Variants in TLE4 observed in about 807,000 individuals in gnomAD.
TLE4 encodes transducin-like enhancer protein 4.
TLE4 carries 8 observed loss-of-function variants against 92.8 expected under a neutral mutation model. That is an observed-to-expected ratio of 0.09 (90% CI 0.05 to 0.16). TLE4 has a LOEUF of 0.16. Among genes scored for constraint, TLE4 ranks in the 10% least tolerant of loss-of-function variants. TLE4 has a pLI of 1.00. For missense variants in TLE4, 675 were observed against 997.6 expected (o/e 0.68, Z 4.36); for synonymous variants, 371 against 374.1 (o/e 0.99, Z 0.10).
rs540532883 is a variant in TLE4, at chr9:79,726,218, A to G, written c.*1074A>G. 2 of 152,738 alleles carry G rather than the reference A, an allele frequency of 1.3e-5. No individual in the cohort carries two copies. The highest frequency in any genetic ancestry group is 2.4e-5 in the African/African-American group (1 of 41,566). 9.5% of individuals were successfully genotyped at this position (152,738 alleles called of 1,614,324 possible). On this transcript the variant is annotated 3_prime_UTR_variant, in exon 20 of 20. Transcript: ENST00000376552. ...GCTTTCTTTACCTCCGGTTCTTTCC[A>G]TGTCTTAGTTGGATGTCCCTGAAAT... is the stretch of plus-strand genomic sequence containing the variant.
At chr9:79,703,379 G>A (rs988585815) in intron 8 of TLE4, among the ~76,000 whole-genome samples, 3 of 152,112 alleles carry the variant, frequency 2.0e-5, no homozygotes, top group Non-Finnish European at 4.4e-5. Context: ...TCCAGCTCCC[G>A]CTCTCCCACC....
chr9:79,653,008 G>T (rs1234305309), intron 7 of TLE4: 3 of 647,226 alleles, frequency 4.6e-6, no homozygotes, highest in African/African-American at 3.5e-5. Flanking sequence ...AGGCAGAGGG[G>T]CCTATTTCTG....
At chr9:79,632,617 A>G (rs2133722216) in intron 6 of TLE4, among the ~76,000 whole-genome samples, 1 of 152,332 alleles carries the variant, frequency 6.6e-6, no homozygotes, top group East Asian at 1.9e-4. Flanking sequence ...TTAACAGCTC[A>G]ACTGTACAAC....
At chr9:79,647,173 G>A (rs1033925386) in intron 6 of TLE4, among the ~76,000 whole-genome samples, 1 of 152,122 alleles carries the variant, frequency 6.6e-6, no homozygotes, top group Admixed American at 6.5e-5. Flanking sequence ...ATGAACTGAT[G>A]TTAATTTCTT....
intron 8 of TLE4, among the ~76,000 whole-genome samples, chr9:79,678,132 G>C (rs73457284): frequency 0.016 from 2,433 of 152,118 alleles, 60 homozygotes; most frequent in African/African-American, 0.055. Flanking sequence ...AAATGAGGCA[G>C]AAAAAAATCA....
rs748799650 is a variant in TLE4 at position 79,706,890 on chromosome 9, A to T, written c.927A>T (p.Glu309Asp). The stretch of plus-strand genomic sequence containing the variant: ...GTACTCCCTCCTCCAAATCCAAAGA[A>T]CTTAGCCTTGTAAGCAGCTCCTTAC... Reference protein sequence around the residue: ...SSSTPSSKSKELSLNEKSTTP... With the variant: ...SSSTPSSKSKDLSLNEKSTTP... Residue 309 changes from glutamate to aspartate, a missense_variant, in exon 11 of 20, where the codon GAA becomes GAT. Transcript: ENST00000376552. The T allele has an allele frequency of 6.2e-7, 1 of 1,613,980 alleles. No homozygotes were observed. Among genetic ancestry groups the T allele is most frequent in the Non-Finnish European group, 8.5e-7 (1 of 1,179,958 alleles).
chr9:79,649,972 G>A, intron 6 of TLE4: 2 of 990,112 alleles, frequency 2.0e-6, no homozygotes, highest in Non-Finnish European at 2.7e-6. Context: ...CTGGGATGCA[G>A]TAGCACAATC....
chr9:79,662,745 G>T (rs1047264801), intron 8 of TLE4, among the ~76,000 whole-genome samples: 1 of 152,118 alleles, frequency 6.6e-6, no homozygotes, highest in Non-Finnish European at 1.5e-5. Flanking sequence ...TGTCAGTCAG[G>T]AAACCCGTGC....
intron 8 of TLE4, among the ~76,000 whole-genome samples, chr9:79,671,931 A>T: frequency 6.6e-6 from 1 of 151,860 alleles, no homozygotes. Flanking sequence ...CCGTTAAAAA[A>T]AAAAAAAAGT....
intron 5 of TLE4, among the ~76,000 whole-genome samples, chr9:79,618,565 C>G (rs1457639921): frequency 6.6e-6 from 1 of 152,122 alleles, no homozygotes; most frequent in Non-Finnish European, 1.5e-5. Flanking sequence ...CATTTTTAAC[C>G]TTGTTATTAG....
In TLE4 at chr9:79,643,091, T is replaced by C. The variant is rs144855379; in HGVS notation, c.391-9502T>C. 6.4e-3 allele frequency among the ~76,000 whole-genome samples: 978 copies of C among 152,308 alleles called. 6 individuals carry two copies. The highest frequency in any genetic ancestry group is 0.022 in the African/African-American group (902 of 41,552). ...CTTTTTCTAGAGATATTTGTTAAAG[T>C]AAGGTAAGAAGGGCACATCTTATTT... On this transcript the variant is annotated intron_variant, in intron 6 of 19. Coordinates refer to ENST00000376552, the MANE Select transcript of TLE4 (RefSeq NM_007005.6).
intron 8 of TLE4, chr9:79,668,967 T>A: frequency 2.6e-6 from 1 of 378,578 alleles, no homozygotes; most frequent in Non-Finnish European, 3.6e-6. Flanking sequence ...ATAGTGTGAC[T>A]GAAAATGATT....
At chr9:79,700,849 CACAT>C (rs1381528550) in intron 8 of TLE4, among the ~76,000 whole-genome samples, 3 of 152,098 alleles carry the variant, frequency 2.0e-5, no homozygotes, top group African/African-American at 4.8e-5. Context: ...GATACACACA[CACAT>C]ACACACACAC....
At chr9:79,682,178 C>T (rs145980659) in intron 8 of TLE4, among the ~76,000 whole-genome samples, 58 of 152,016 alleles carry the variant, frequency 3.8e-4, no homozygotes, top group Non-Finnish European at 6.0e-4. Flanking sequence ...TCAGGCAGGC[C>T]CACAGTCTTT....
chr9:79,622,937 A>G (rs2051407974), intron 5 of TLE4, among the ~76,000 whole-genome samples: 1 of 152,048 alleles, frequency 6.6e-6, no homozygotes, highest in South Asian at 2.1e-4. Context: ...ACTTTAATTA[A>G]TATTGTTCAT....
chr9:79,654,414 G>A (rs1036765542), intron 8 of TLE4, among the ~76,000 whole-genome samples: 4 of 151,684 alleles, frequency 2.6e-5, no homozygotes, highest in Non-Finnish European at 5.9e-5. Flanking sequence ...AAATAAATTG[G>A]TTTGTAAAGA....
At chr9:79,677,600 G>A (rs929061016) in intron 8 of TLE4, among the ~76,000 whole-genome samples, 1 of 127,262 alleles carries the variant, frequency 7.9e-6, no homozygotes, top group Admixed American at 9.1e-5. Flanking sequence ...TGTTATAGTT[G>A]TTTCTTCATT....
At chr9:79,575,461 T>C (rs766560411) in intron 3 of TLE4, among the ~76,000 whole-genome samples, 1 of 152,238 alleles carries the variant, frequency 6.6e-6, no homozygotes, top group Non-Finnish European at 1.5e-5. Context: ...AATATTTGTA[T>C]GTTTTCAATT....
intron 5 of TLE4, among the ~76,000 whole-genome samples, chr9:79,624,132 C>T (rs1183234830): frequency 6.9e-6 from 1 of 145,112 alleles, no homozygotes; most frequent in Non-Finnish European, 1.5e-5. Context: ...GAAAAACTTG[C>T]TGTTTTTTTC....
Sources: gnomAD v4.1 joint callset for allele counts (sites outside exome capture counted in the v4.1 genomes callset) on GRCh38, gnomAD v4.1.1 for gene constraint, MANE v1.5 for transcripts, NCBI Gene and HGNC (gene_info 2026-07-23, HGNC 2026-07-21) for gene names.